The following RPS6KA1 variants were observed in gnomAD, a reference collection of about 807,000 sequenced individuals.
RPS6KA1 encodes the protein ribosomal protein S6 kinase alpha-1.
A neutral mutation model predicts 91.3 loss-of-function variants in RPS6KA1; 48 were observed. The ratio of observed to expected loss-of-function variants is 0.53; its 90% CI spans 0.42 to 0.67. The LOEUF is 0.67. Among genes scored for constraint, RPS6KA1 ranks in the 30% least tolerant of loss-of-function variants. The pLI, the probability that RPS6KA1 is intolerant of heterozygous loss-of-function variation, is 0.00. For missense variants in RPS6KA1, 719 were observed against 960.5 expected (o/e 0.75, Z 3.32); for synonymous variants, 359 against 384.7 (o/e 0.93, Z 0.78).
intron 17 of RPS6KA1, among the ~76,000 whole-genome samples, chr1:26,567,970 G>T (rs905566735): frequency 2.0e-5 from 3 of 152,160 alleles, no homozygotes; most frequent in African/African-American, 7.2e-5. Context: ...TCCTTCCTGT[G>T]ACTGGAATCC....
chr1:26,574,543 T>A lies in RPS6KA1; in HGVS notation c.*342T>A. The stretch of plus-strand genomic sequence containing the variant: ...CCCCAGGAGGGGAACTGAGTCACGC[T>A]GGGGCTCTCTGAGACTCTTTAGAGC... On this transcript the variant is annotated 3_prime_UTR_variant, in exon 22 of 22. Coordinates refer to ENST00000374168, the MANE Select transcript of RPS6KA1 (RefSeq NM_002953.4). This position sits in a 1 kb window ranked among gnomAD's most constrained non-coding sequence, Gnocchi z 4.3. The A allele has an allele frequency of 2.2e-6, 1 of 464,160 alleles. No individual in the cohort carries two copies. The highest frequency in any genetic ancestry group is 1.6e-5 in the South Asian group (1 of 61,124). 28.8% of individuals were successfully genotyped at this position (464,160 alleles called of 1,614,324 possible).
intron 2 of RPS6KA1, among the ~76,000 whole-genome samples, chr1:26,541,126 G>A (rs2075943723): frequency 2.6e-5 from 4 of 151,948 alleles, no homozygotes; most frequent in Non-Finnish European, 1.5e-5. Context: ...GCCAGATGTG[G>A]TGGTACGCAC....
intron 4 of RPS6KA1, among the ~76,000 whole-genome samples, chr1:26,549,913 C>G (rs2076032406): frequency 2.0e-5 from 3 of 150,736 alleles, no homozygotes; most frequent in Non-Finnish European, 4.4e-5. Flanking sequence ...GAGTTTCACT[C>G]TCGTTGCCCA....
chr1:26,557,929 A>G (rs2076119546), intron 13 of RPS6KA1, among the ~76,000 whole-genome samples: 1 of 151,590 alleles, frequency 6.6e-6, no homozygotes, highest in Non-Finnish European at 1.5e-5. Flanking sequence ...CCTGGGTTCA[A>G]GAGATTCTCC....
In RPS6KA1 at chr1:26,540,188, TC is replaced by T. The variant is rs1164670831; in HGVS notation, c.108+3223del. 9.2e-5 allele frequency among the ~76,000 whole-genome samples: 14 copies of T among 151,912 alleles called. No homozygotes were observed. The stretch of plus-strand genomic sequence containing the variant: ...CCTGGGAGAAGTTCTGTTTCCAACA[TC>T]CCCTTGTCTCTGTGGCCCATTTTGC... On this transcript the variant is annotated intron_variant, in intron 2 of 21. Coordinates refer to ENST00000374168, the MANE Select transcript of RPS6KA1 (RefSeq NM_002953.4). This position sits in a 1 kb window ranked among gnomAD's most constrained non-coding sequence, Gnocchi z 4.2.
At chr1:26,543,280 G>A (rs2075962993) in intron 2 of RPS6KA1, 1 of 1,293,100 alleles carries the variant, frequency 7.7e-7, no homozygotes, top group Non-Finnish European at 1.1e-6. Context: ...GGCAAGGAAT[G>A]GGTTTGGGGG....
intron 1 of RPS6KA1, among the ~76,000 whole-genome samples, chr1:26,535,976 C>T (rs1482748306): frequency 6.6e-6 from 1 of 151,814 alleles, no homozygotes; most frequent in African/African-American, 2.4e-5. Context: ...CGTGGTGAAA[C>T]CCCGTGTCTA....
Position 26,571,076 on chromosome 1 carries a change from C to CGT in RPS6KA1, c.1591-371_1591-370dup, listed in dbSNP as rs991559134. 2.0e-5 allele frequency among the ~76,000 whole-genome samples: 3 copies of CGT among 151,982 alleles called. No homozygotes were observed. The highest frequency in any genetic ancestry group is 7.3e-5 in the African/African-American group (3 of 41,370). ...GGCGGAGGCTGCAGTGATCTGAGGTCGTGCCACTGCACTCCAGCCTGGGTG... is the reference window on the plus strand; with the variant it reads ...GGCGGAGGCTGCAGTGATCTGAGGTCGTGTGCCACTGCACTCCAGCCTGGGTG... On this transcript the variant is annotated intron_variant, in intron 17 of 21. Coordinates refer to ENST00000374168, the MANE Select transcript of RPS6KA1 (RefSeq NM_002953.4). This position sits in a 1 kb window ranked among gnomAD's most constrained non-coding sequence, Gnocchi z 5.1.
rs1311127758 is a variant in RPS6KA1, at chr1:26,542,903, C to T, written c.109-3964C>T. On this transcript the variant is annotated intron_variant, in intron 2 of 21. Transcript: ENST00000374168. Reference sequence around the variant, plus strand: ...CGTTATCGCCTTGTGACTTTTGTCTCTGCTCTTGTCTCTCCTCCTTAGAGT... The same window carrying T: ...CGTTATCGCCTTGTGACTTTTGTCTTTGCTCTTGTCTCTCCTCCTTAGAGT... 2.0e-5 allele frequency among the ~76,000 whole-genome samples: 3 copies of T among 152,306 alleles called. No individual in the cohort carries two copies. The East Asian group carries it at 5.8e-4, about 29-fold the overall frequency.
At chr1:26,530,935 G>A (rs1164754846) in intron 1 of RPS6KA1, 3 of 1,201,968 alleles carry the variant, frequency 2.5e-6, no homozygotes, top group Non-Finnish European at 3.2e-6. Context: ...GTTGTTGGGG[G>A]TATGCAGGGA....
chr1:26,549,299 G>C (rs1380773022), intron 4 of RPS6KA1, among the ~76,000 whole-genome samples: 2 of 151,864 alleles, frequency 1.3e-5, no homozygotes, highest in South Asian at 4.2e-4. Context: ...GGCTGGGTGC[G>C]GTGGCTCATG....
chr1:26,547,783 T>C lies in RPS6KA1; in HGVS notation c.307+513T>C, dbSNP rs2076008522. 6.6e-6 allele frequency among the ~76,000 whole-genome samples: 1 copy of C among 152,068 alleles called. No individual in the cohort carries two copies. The highest frequency in any genetic ancestry group is 2.4e-5 in the African/African-American group (1 of 41,392). ...TGGGGACTTACAAAGGGTGTGAAGA[T>C]GGTTGGTAGTGGGCTTTGGGTTGGA... On this transcript the variant is annotated intron_variant, in intron 4 of 21. Coordinates refer to ENST00000374168, the MANE Select transcript of RPS6KA1 (RefSeq NM_002953.4). The surrounding 1 kb of genome is among the most constrained non-coding windows in gnomAD (Gnocchi z 4.1).
chr1:26,557,689 G>A (rs1245278819), intron 13 of RPS6KA1, among the ~76,000 whole-genome samples: 1 of 152,036 alleles, frequency 6.6e-6, no homozygotes, highest in Non-Finnish European at 1.5e-5. Context: ...GACAGTGGGT[G>A]TGGGGTGGAA....
intron 2 of RPS6KA1, among the ~76,000 whole-genome samples, chr1:26,543,602 C>A (rs1001952369): frequency 6.6e-6 from 1 of 152,132 alleles, no homozygotes; most frequent in Non-Finnish European, 1.5e-5. Flanking sequence ...TCTCCGAGGG[C>A]CAGGACCTAC....
intron 2 of RPS6KA1, among the ~76,000 whole-genome samples, chr1:26,538,980 G>A (rs570998059): frequency 2.0e-5 from 3 of 152,314 alleles, no homozygotes; most frequent in South Asian, 2.1e-4. Context: ...GCACCCTGTT[G>A]TTCACAGGAG....
At chr1:26,556,362 A>C (rs1414325399) in intron 11 of RPS6KA1, among the ~76,000 whole-genome samples, 2 of 152,214 alleles carry the variant, frequency 1.3e-5, no homozygotes, top group Non-Finnish European at 2.9e-5. Flanking sequence ...TCTCAGAACA[A>C]GCTCAGCTTC....
At chr1:26,530,005 C>A in intron 1 of RPS6KA1, 22 bp downstream of exon 1, 1 of 1,323,372 alleles carries the variant, frequency 7.6e-7, no homozygotes, top group Non-Finnish European at 9.7e-7. Flanking sequence ...GGGCGGGGGA[C>A]GGGCGCCCGC....
In RPS6KA1 at chr1:26,540,893, C is replaced by T. The variant is rs550922120; in HGVS notation, c.108+3924C>T. 5.9e-5 allele frequency among the ~76,000 whole-genome samples: 9 copies of T among 152,290 alleles called. No homozygotes were observed. Among genetic ancestry groups the T allele is most frequent in the African/African-American group, 2.2e-4 (9 of 41,568 alleles). On this transcript the variant is annotated intron_variant, in intron 2 of 21. Coordinates refer to ENST00000374168, the MANE Select transcript of RPS6KA1 (RefSeq NM_002953.4). The surrounding 1 kb of genome is among the most constrained non-coding windows in gnomAD (Gnocchi z 4.2). ...ACAACCTCCGCCTCCTAGGTTCAAG[C>T]GATTCTCCTGCCTCAGCCTCCGTAG...
chr1:26,545,966 G>A, intron 2 of RPS6KA1: 4 of 1,606,196 alleles, frequency 2.5e-6, no homozygotes, highest in Non-Finnish European at 2.5e-6. Flanking sequence ...TTCCCAGGAA[G>A]CAGCGGCCCA....
Sources: allele counts gnomAD v4.1 joint callset (sites outside exome capture counted in the v4.1 genomes callset), GRCh38; gene constraint gnomAD v4.1.1; non-coding constraint Gnocchi (gnomAD v3.1); transcripts MANE v1.5; gene names NCBI Gene and HGNC (gene_info 2026-07-23, HGNC 2026-07-21).